The following ABCB10 variants were observed in gnomAD, a reference collection of about 807,000 sequenced individuals.
ABCB10 encodes the protein ATP-binding cassette sub-family B member 10, mitochondrial.
In ABCB10, 54 loss-of-function variants were observed where a neutral mutation model predicts 65.4. The ratio of observed to expected loss-of-function variants is 0.83; its 90% CI spans 0.66 to 1.04. The LOEUF is 1.04. Ranked by LOEUF, ABCB10 falls within the 50% of genes least tolerant of loss-of-function variation. The probability of loss-of-function intolerance (pLI) is 0.00; values close to 1 mark genes in which losing one functional copy is unlikely to be tolerated. For synonymous variants in ABCB10, 418 were observed against 406.5 expected (o/e 1.03, Z -0.34); for missense variants, 846 against 976.6 (o/e 0.87, Z 1.78).
At chr1:229,547,940 C>T (rs1489123191) in intron 2 of ABCB10, among the ~76,000 whole-genome samples, 1 of 151,980 alleles carries the variant, frequency 6.6e-6, no homozygotes, top group Non-Finnish European at 1.5e-5. Flanking sequence ...ACTGTGGGCG[C>T]TAGTGAGAGG....
At chr1:229,519,018 C>A in intron 11 of ABCB10, 143 bp from the exon 12 acceptor site, 1 of 607,322 alleles carries the variant, frequency 1.6e-6, no homozygotes, top group Non-Finnish European at 2.8e-6. Flanking sequence ...AGAAGCCAGA[C>A]ACAAAGAATC....
At chr1:229,524,080 A>C (rs1485028345) in intron 10 of ABCB10, among the ~76,000 whole-genome samples, 1 of 152,122 alleles carries the variant, frequency 6.6e-6, no homozygotes, top group African/African-American at 2.4e-5. Context: ...GCATAGGAAA[A>C]GACTGTTGTT....
intron 6 of ABCB10, among the ~76,000 whole-genome samples, chr1:229,532,693 C>T (rs943296928): frequency 6.6e-6 from 1 of 151,818 alleles, no homozygotes; most frequent in Non-Finnish European, 1.5e-5. Flanking sequence ...TCAGCCTGGG[C>T]AACATAGAGA....
chr1:229,531,313 A>C (rs1662578623), intron 7 of ABCB10, among the ~76,000 whole-genome samples: 1 of 152,156 alleles, frequency 6.6e-6, no homozygotes, highest in African/African-American at 2.4e-5. Flanking sequence ...TTGGTAAACT[A>C]GCTGGGACAC....
intron 6 of ABCB10, among the ~76,000 whole-genome samples, chr1:229,533,736 C>G (rs978430717): frequency 6.6e-6 from 1 of 152,092 alleles, no homozygotes; most frequent in African/African-American, 2.4e-5. Context: ...TATCCACATG[C>G]AAAGAAGGAA....
chr1:229,557,601 G>C (rs906500949), intron 1 of ABCB10, among the ~76,000 whole-genome samples: 4 of 152,112 alleles, frequency 2.6e-5, no homozygotes, highest in African/African-American at 7.2e-5. Flanking sequence ...ACAGATCACT[G>C]GTGTGGCCTG....
chr1:229,525,472 A>G (rs1162554292), intron 10 of ABCB10, among the ~76,000 whole-genome samples: 3 of 152,216 alleles, frequency 2.0e-5, no homozygotes, highest in Non-Finnish European at 4.4e-5. Flanking sequence ...TTTTCCACAT[A>G]TAAGAGAGCA....
rs1216533168 is a variant in ABCB10, at chr1:229,539,750, G to GCATTTT, written c.1204-160_1204-159insAAAATG. On this transcript the variant is annotated intron_variant, in intron 5 of 12. Transcript: ENST00000344517. ...TGAGTTTCAAATTAAAAATGGTTTT[G>GCATTTT]TAATATTGCAATAATGAAGAAAACA... 8.5e-5 allele frequency among the ~76,000 whole-genome samples: 13 copies of GCATTTT among 152,226 alleles called. No individual in the cohort carries two copies. In the South Asian group the frequency reaches 2.7e-3, roughly 32 times the overall value.
chr1:229,538,455 G>A (rs1662770546), intron 6 of ABCB10, among the ~76,000 whole-genome samples: 1 of 152,088 alleles, frequency 6.6e-6, no homozygotes, highest in Non-Finnish European at 1.5e-5. Context: ...ACCACAACAG[G>A]GTGTGAAACC....
Position 229,518,223 on chromosome 1 carries a change from T to C in ABCB10, c.2173A>G (p.Ile725Val), listed in dbSNP as rs145356391. 1.9e-4 allele frequency: 311 copies of C among 1,614,058 alleles called. No individual in the cohort carries two copies. The highest frequency in any genetic ancestry group is 2.4e-4 in the Non-Finnish European group (286 of 1,180,026). Residue 725 changes from isoleucine (I) to valine (V), a missense_variant, in exon 13 of 13, where the codon ATA (isoleucine) becomes GTA (valine). By Grantham distance (29) the Ile-to-Val change is conservative. Coordinates refer to ENST00000344517, the MANE Select transcript of ABCB10 (RefSeq NM_012089.3). ...HEELLSKPNG[I>V]YRKLMNKQSF... ...TGTTTGTTCATTAGTTTTCTGTATA[T>C]CCCATTTGGTTTTGAAAGCAGCTCT...
intron 2 of ABCB10, among the ~76,000 whole-genome samples, chr1:229,548,666 CTTT>C (rs930788850): frequency 7.1e-6 from 1 of 141,062 alleles, no homozygotes. Context: ...CTTTTTTTTT[CTTT>C]TTTTTTTTTT....
chr1:229,542,204 C>T (rs751316127), intron 4 of ABCB10, 33 bp downstream of exon 4: 8 of 1,609,168 alleles, frequency 5.0e-6, no homozygotes, highest in African/African-American at 1.3e-5. Context: ...CCCCATTCTG[C>T]TGGAAACCAC....
In ABCB10 at chr1:229,519,192, GTGA is replaced by G. The variant is rs1662245707; in HGVS notation, c.1951-320_1951-318del. The G allele has an allele frequency of 1.8e-5, 4 of 219,602 alleles. No individual in the cohort carries two copies. The South Asian group carries it at 4.7e-4, about 26-fold the overall frequency. 13.6% of individuals were successfully genotyped at this position (219,602 alleles called of 1,614,324 possible). A position where few individuals can be genotyped will look rare whatever the true frequency, so the allele number is the denominator to read the frequency against. On this transcript the variant is annotated intron_variant, in intron 11 of 12. Coordinates refer to ENST00000344517, the MANE Select transcript of ABCB10 (RefSeq NM_012089.3). ...GGTGATGAAAATGTTTTCTAAAATT[GTGA>G]TGATGGATGCACAACACAGAATACA... is the stretch of plus-strand genomic sequence containing the variant.
chr1:229,554,341 T>G (rs1663192177), intron 1 of ABCB10, among the ~76,000 whole-genome samples: 2 of 152,166 alleles, frequency 1.3e-5, no homozygotes, highest in African/African-American at 4.8e-5. Flanking sequence ...CCCATGTGTC[T>G]GGTGCAAGAT....
chr1:229,558,676 C>T lies in ABCB10; in HGVS notation c.-24G>A, dbSNP rs1663330927. 3 of 1,270,780 alleles carry T rather than the reference C, an allele frequency of 2.4e-6. No homozygotes were observed. The highest frequency in any genetic ancestry group is 3.0e-6 in the Non-Finnish European group (3 of 1,010,172). 78.7% of individuals were successfully genotyped at this position (1,270,780 alleles called of 1,614,324 possible). A position where few individuals can be genotyped will look rare whatever the true frequency, so the allele number is the denominator to read the frequency against. On this transcript the variant is annotated 5_prime_UTR_variant, in exon 1 of 13. Coordinates refer to ENST00000344517, the MANE Select transcript of ABCB10 (RefSeq NM_012089.3). ...ATGGCGCTGCGTGCGACCCGTACGCCTCAGCCCGCCGGCCAGGCGCGCGCA... is the reference window on the plus strand; with the variant it reads ...ATGGCGCTGCGTGCGACCCGTACGCTTCAGCCCGCCGGCCAGGCGCGCGCA...
At position 229,518,259 on chromosome 1, in the gene ABCB10, C is replaced by G; in HGVS notation, c.2137G>C (p.Gly713Arg). 1 of 1,614,050 alleles carries G rather than the reference C, an allele frequency of 6.2e-7. No individual in the cohort carries two copies. Among genetic ancestry groups the G allele is most frequent in the Non-Finnish European group, 8.5e-7 (1 of 1,180,012 alleles). The change falls in exon 13 of 13, where the codon GGA becomes CGA. Residue 713 changes from glycine to arginine, a missense_variant. Gly to Arg is a moderately radical substitution (Grantham distance 125). This residue lies in a region of ABCB10 where 632 missense variants were observed against 803.2 expected (regional missense o/e 0.79). Transcript: ENST00000344517. ...TTTGAAAGCAGCTCTTCATGTTTTCCATATTCAGTAATTTTTCCTTGGTCA... is the reference window on the plus strand; with the variant it reads ...TTTGAAAGCAGCTCTTCATGTTTTCGATATTCAGTAATTTTTCCTTGGTCA... ...VLDQGKITEY[G>R]KHEELLSKPN...
At chr1:229,522,700 A>C (rs1355677292) in intron 10 of ABCB10, among the ~76,000 whole-genome samples, 2 of 152,216 alleles carry the variant, frequency 1.3e-5, no homozygotes, top group African/African-American at 4.8e-5. Flanking sequence ...ATCACTACAC[A>C]TATTTCCTCC....
At chr1:229,550,827 A>G (rs899255297) in intron 1 of ABCB10, among the ~76,000 whole-genome samples, 9 of 151,586 alleles carry the variant, frequency 5.9e-5, no homozygotes, top group Non-Finnish European at 1.0e-4. Flanking sequence ...TTGTGCTGCT[A>G]CACTCCAGCC....
chr1:229,523,392 T>G (rs1662360729), intron 10 of ABCB10, among the ~76,000 whole-genome samples: 1 of 152,260 alleles, frequency 6.6e-6, no homozygotes, highest in Non-Finnish European at 1.5e-5. Context: ...TTTTATTGGC[T>G]GAACATACTT....
Sources: gnomAD v4.1 joint callset for allele counts (sites outside exome capture counted in the v4.1 genomes callset) on GRCh38, gnomAD v4.1.1 for gene constraint, gnomAD v4.1.1 regional missense constraint, MANE v1.5 for transcripts, NCBI Gene and HGNC (gene_info 2026-07-23, HGNC 2026-07-21) for gene names.